SLCO3A1: variants seen among roughly 807,000 people sequenced by gnomAD.
SLCO3A1 encodes the protein PGE1 transporter.
Under a neutral mutation model 63.1 loss-of-function variants are expected in SLCO3A1, and 27 were observed. The observed-to-expected ratio is 0.43, with a 90% CI of 0.32 to 0.59. SLCO3A1 has a LOEUF of 0.59. Among genes scored for constraint, SLCO3A1 ranks in the 20% least tolerant of loss-of-function variants. The probability of loss-of-function intolerance (pLI) is 0.09; values close to 1 mark genes in which losing one functional copy is unlikely to be tolerated. For missense variants in SLCO3A1, 773 were observed against 945.8 expected (o/e 0.82, Z 2.40); for synonymous variants, 473 against 409.9 (o/e 1.15, Z -1.86).
intron 2 of SLCO3A1, among the ~76,000 whole-genome samples, chr15:92,059,486 A>G (rs1304420158): frequency 1.3e-5 from 2 of 152,056 alleles, no homozygotes; most frequent in Non-Finnish European, 2.9e-5. Flanking sequence ...AGGGCTTCAC[A>G]GGACACATGC....
chr15:92,005,052 T>C (rs181259018), intron 2 of SLCO3A1, among the ~76,000 whole-genome samples: 15 of 152,302 alleles, frequency 9.8e-5, no homozygotes, highest in African/African-American at 3.6e-4. Flanking sequence ...AGCAGAGCAG[T>C]GGTTAAATGA....
In SLCO3A1 at chr15:91,880,407, C is replaced by CTGTGTGTGTGTGTGTGTGTGTG. The variant is rs1235050747; in HGVS notation, c.180+26320_180+26321insGTGTGTGTGTGTGTGTGTGTGT. Among the ~76,000 whole-genome samples, 365 of 142,890 alleles carry CTGTGTGTGTGTGTGTGTGTGTG rather than the reference C, an allele frequency of 2.6e-3. 4 individuals carry two copies. Among genetic ancestry groups the CTGTGTGTGTGTGTGTGTGTGTG allele is most frequent in the African/African-American group, 9.1e-3 (338 of 37,314 alleles). 93.7% of individuals were successfully genotyped at this position (142,890 alleles called of 152,430 possible). A position where few individuals can be genotyped will look rare whatever the true frequency, so the allele number is the denominator to read the frequency against. On this transcript the variant is annotated intron_variant, in intron 1 of 9. Coordinates refer to ENST00000318445, the MANE Select transcript of SLCO3A1 (RefSeq NM_013272.4). The stretch of plus-strand genomic sequence containing the variant: ...TCTCTCTCTCTCTCTCTCTCTCTCT[C>CTGTGTGTGTGTGTGTGTGTGTG]TCTGTGTGTGTGTGTGTGTAGTTCT...
chr15:91,917,149 G>A (rs973580781), intron 2 of SLCO3A1, among the ~76,000 whole-genome samples: 1 of 152,164 alleles, frequency 6.6e-6, no homozygotes, highest in South Asian at 2.1e-4. Flanking sequence ...GGTGGGCTCT[G>A]TTGGATGGCA....
rs374087552 is a variant in SLCO3A1 at position 92,002,225 on chromosome 15, T to G, written c.646+85767T>G. ...TTCGCAAGGAAAGAAGGCACCTACC[T>G]GCTATTACCGCAGGTGTTAATTGTC... is the stretch of plus-strand genomic sequence containing the variant. On this transcript the variant is annotated intron_variant, in intron 2 of 9. Transcript: ENST00000318445. Among the ~76,000 whole-genome samples the G allele has an allele frequency of 3.9e-5, 6 of 152,256 alleles. No homozygotes were observed. The East Asian group carries it at 9.7e-4, about 24-fold the overall frequency.
At chr15:91,963,153 G>A (rs1900514609) in intron 2 of SLCO3A1, among the ~76,000 whole-genome samples, 2 of 152,040 alleles carry the variant, frequency 1.3e-5, no homozygotes, top group African/African-American at 4.8e-5. Flanking sequence ...TCCTAAATAG[G>A]TCCTGTTAAG....
chr15:91,940,721 G>T (rs1243224889), intron 2 of SLCO3A1, among the ~76,000 whole-genome samples: 1 of 152,102 alleles, frequency 6.6e-6, no homozygotes, highest in African/African-American at 2.4e-5. Flanking sequence ...TATTGATCAG[G>T]GTTCAGGGGC....
At chr15:92,103,584 C>T in intron 3 of SLCO3A1, among the ~76,000 whole-genome samples, 1 of 152,080 alleles carries the variant, frequency 6.6e-6, no homozygotes, top group East Asian at 1.9e-4. Flanking sequence ...AGGCTACCAT[C>T]ATCTGGGTGC....
intron 9 of SLCO3A1, among the ~76,000 whole-genome samples, chr15:92,152,735 T>C (rs185530647): frequency 6.6e-6 from 1 of 152,322 alleles, no homozygotes; most frequent in Admixed American, 6.5e-5. Flanking sequence ...CCATTCCACA[T>C]ATGCATTTGT....
At chr15:92,072,406 C>G (rs950787624) in intron 2 of SLCO3A1, among the ~76,000 whole-genome samples, 2 of 152,002 alleles carry the variant, frequency 1.3e-5, no homozygotes, top group African/African-American at 4.8e-5. Flanking sequence ...GTGCTCTGGA[C>G]TTAAGTGAAT....
intron 7 of SLCO3A1, among the ~76,000 whole-genome samples, chr15:92,135,086 C>A (rs952432891): frequency 6.6e-6 from 1 of 152,164 alleles, no homozygotes; most frequent in Non-Finnish European, 1.5e-5. Context: ...GAAGGACATT[C>A]TAGCCGGAAG....
intron 2 of SLCO3A1, 98 bp from the exon 3 acceptor site, chr15:92,094,783 C>T (rs879868051): frequency 5.3e-6 from 4 of 750,334 alleles, no homozygotes; most frequent in African/African-American, 1.7e-5. Context: ...AATGTCATCT[C>T]ATCTCATCAA....
At chr15:91,983,191 C>T (rs114138578) in intron 2 of SLCO3A1, among the ~76,000 whole-genome samples, 242 of 152,380 alleles carry the variant, frequency 1.6e-3, no homozygotes, top group African/African-American at 5.7e-3. Context: ...CTATGCCAGG[C>T]ATGGCCCTAT....
At chr15:91,933,943 C>T (rs760440996) in intron 2 of SLCO3A1, among the ~76,000 whole-genome samples, 6 of 152,150 alleles carry the variant, frequency 3.9e-5, no homozygotes, top group African/African-American at 1.2e-4. Context: ...TGAATACTCA[C>T]GTGCCCTGTC....
At chr15:91,921,764 CTG>C in intron 2 of SLCO3A1, among the ~76,000 whole-genome samples, 1 of 151,040 alleles carries the variant, frequency 6.6e-6, no homozygotes, top group East Asian at 1.9e-4. Flanking sequence ...AAGTCTCACT[CTG>C]TCACCCAGGC....
At chr15:91,947,701 G>A (rs1017611463) in intron 2 of SLCO3A1, among the ~76,000 whole-genome samples, 4 of 152,146 alleles carry the variant, frequency 2.6e-5, no homozygotes, top group African/African-American at 7.2e-5. Flanking sequence ...GCTTCTCCTG[G>A]AGCAATAATA....
chr15:91,929,313 C>T (rs1899140935), intron 2 of SLCO3A1, among the ~76,000 whole-genome samples: 1 of 152,176 alleles, frequency 6.6e-6, no homozygotes, highest in African/African-American at 2.4e-5. Flanking sequence ...ACTCTATGTC[C>T]TGAAGCCACA....
At chr15:92,150,577 G>T (rs1027200754) in intron 8 of SLCO3A1, among the ~76,000 whole-genome samples, 3 of 152,044 alleles carry the variant, frequency 2.0e-5, no homozygotes, top group African/African-American at 4.8e-5. Flanking sequence ...TTATTTTCTC[G>T]GTTGATGTTT....
intron 2 of SLCO3A1, among the ~76,000 whole-genome samples, chr15:91,975,235 G>A (rs918115593): frequency 1.3e-5 from 2 of 151,810 alleles, no homozygotes; most frequent in Non-Finnish European, 2.9e-5. Flanking sequence ...TAGGTGTGCT[G>A]CAATTGGCTG....
chr15:91,889,264 G>T, intron 1 of SLCO3A1: 1 of 787,292 alleles, frequency 1.3e-6, no homozygotes, highest in Non-Finnish European at 1.9e-6. Context: ...GACCTGGAGT[G>T]CATTTGCAAC....
Sources: allele counts gnomAD v4.1 joint callset (sites outside exome capture counted in the v4.1 genomes callset), GRCh38; gene constraint gnomAD v4.1.1; transcripts MANE v1.5; gene names NCBI Gene and HGNC (gene_info 2026-07-23, HGNC 2026-07-21).